ZNRF3: variants seen among roughly 807,000 people sequenced by gnomAD.
ZNRF3 encodes the protein E3 ubiquitin-protein ligase ZNRF3.
Under a neutral mutation model 72.5 loss-of-function variants are expected in ZNRF3, and 23 were observed. That is an observed-to-expected ratio of 0.32 (90% confidence interval 0.23 to 0.45). ZNRF3 has a LOEUF of 0.45. Among genes scored for constraint, ZNRF3 ranks in the 20% least tolerant of loss-of-function variants. ZNRF3 has a pLI of 1.00. For missense variants in ZNRF3, 1,169 were observed against 1,272.1 expected, an observed-to-expected ratio of 0.92 and a Z score of 1.23; for synonymous variants, 610 against 545.3, an observed-to-expected ratio of 1.12 and a Z score of -1.65.
At chr22:28,995,466 T>G (rs2036031054) in intron 2 of ZNRF3, among the ~76,000 whole-genome samples, 1 of 152,120 alleles carries the variant, frequency 6.6e-6, no homozygotes, top group Non-Finnish European at 1.5e-5. Flanking sequence ...TTGAATTTCT[T>G]CACTAAATAT....
Position 29,050,849 on chromosome 22 carries a change from C to G in ZNRF3, c.2668C>G (p.Pro890Ala). ...CTGCCAGGCTAGGGCCCTACTGCGG[C>G]CTGGCTGCCCTCCGGAGGAGGCGGG... ...LCCQARALLR[P>A]GCPPEEAGAV... The change falls in exon 8 of 9, where the codon CCT becomes GCT. Residue 890 changes from proline to alanine, a missense_variant. By Grantham distance (27) the Pro-to-Ala change is conservative. Around this residue, in one of 2 missense-constraint regions of ZNRF3, gnomAD observed 783 missense variants for 731.4 expected, o/e 1.07. Coordinates refer to ENST00000544604, the MANE Select transcript of ZNRF3 (RefSeq NM_001206998.2). 1.2e-6 allele frequency: 2 copies of G among 1,604,150 alleles called. No homozygotes were observed. Among genetic ancestry groups the G allele is most frequent in the Non-Finnish European group, 1.7e-6 (2 of 1,178,266 alleles).
intron 1 of ZNRF3, chr22:28,917,466 C>T (rs1252446327): frequency 2.0e-6 from 2 of 984,650 alleles, no homozygotes; most frequent in African/African-American, 1.7e-5. Context: ...AGGAAGGATC[C>T]CCTCATTTCA....
chr22:29,034,401 A>G (rs2123874638), intron 2 of ZNRF3, among the ~76,000 whole-genome samples: 1 of 152,246 alleles, frequency 6.6e-6, no homozygotes, highest in South Asian at 2.1e-4. Flanking sequence ...TGTGAGTTAA[A>G]GTGATGGGGA....
At chr22:28,945,958 G>A (rs1255035341) in intron 1 of ZNRF3, among the ~76,000 whole-genome samples, 1 of 152,126 alleles carries the variant, frequency 6.6e-6, no homozygotes, top group African/African-American at 2.4e-5. Flanking sequence ...TTCTTCAGTG[G>A]TCAGGTATCA....
intron 2 of ZNRF3, among the ~76,000 whole-genome samples, chr22:29,020,616 G>C (rs1023862916): frequency 6.6e-6 from 1 of 151,818 alleles, no homozygotes; most frequent in Non-Finnish European, 1.5e-5. Context: ...TTGAATGCAC[G>C]GATGTGAAAC....
rs1206320503 is a variant in ZNRF3 at position 29,044,968 on chromosome 22, T to G, written c.744+78T>G. ...GGGGAAAACCAGGACTCTCGTCACC[T>G]TATTTTTTGATGGTGCAACATGGAG... On this transcript the variant is annotated intron_variant, in intron 5 of 8. Transcript: ENST00000544604. 4.0e-5 allele frequency: 41 copies of G among 1,024,706 alleles called. No individual in the cohort carries two copies. In the South Asian group the frequency reaches 5.0e-4, roughly 13 times the overall value. 63.5% of individuals were successfully genotyped at this position (1,024,706 alleles called of 1,614,324 possible).
chr22:29,051,169 G>T (rs986343561), intron 8 of ZNRF3, among the ~76,000 whole-genome samples: 12 of 152,088 alleles, frequency 7.9e-5, no homozygotes, highest in African/African-American at 1.2e-4. Flanking sequence ...TCCCCAAGAT[G>T]CCTGCAGCCT....
intron 2 of ZNRF3, among the ~76,000 whole-genome samples, chr22:29,037,847 G>A (rs1420077060): frequency 1.3e-5 from 2 of 152,188 alleles, no homozygotes; most frequent in African/African-American, 4.8e-5. Context: ...ATACCCTTGT[G>A]GGTGGGGATG....
At chr22:28,889,175 G>A (rs1276458439) in intron 1 of ZNRF3, among the ~76,000 whole-genome samples, 3 of 152,164 alleles carry the variant, frequency 2.0e-5, no homozygotes, top group African/African-American at 7.2e-5. Context: ...CAAGTGAACA[G>A]AACTTGGCTG....
chr22:28,909,462 C>A lies in ZNRF3; in HGVS notation c.300+25396C>A, dbSNP rs186706484. On this transcript the variant is annotated intron_variant, in intron 1 of 8. Coordinates refer to ENST00000544604, the MANE Select transcript of ZNRF3 (RefSeq NM_001206998.2). Reference sequence around the variant, plus strand: ...ATTTTTTTTTTTCTCAGAAAATAATCAAACCAAAACTTTCCCTTGCTGATA... The same window carrying A: ...ATTTTTTTTTTTCTCAGAAAATAATAAAACCAAAACTTTCCCTTGCTGATA... Among the ~76,000 whole-genome samples, 35 of 151,940 alleles carry A rather than the reference C, an allele frequency of 2.3e-4. 1 individual carries two copies. The East Asian group carries it at 5.8e-3, about 25-fold the overall frequency.
chr22:29,051,907 C>T (rs1007997181), intron 8 of ZNRF3, among the ~76,000 whole-genome samples: 1 of 151,806 alleles, frequency 6.6e-6, no homozygotes, highest in South Asian at 2.1e-4. Flanking sequence ...AAACCTAGGC[C>T]CCATCCCTGT....
intron 4 of ZNRF3, 24 bp downstream of exon 4, chr22:29,043,454 C>T (rs1368690990): frequency 1.9e-6 from 3 of 1,611,658 alleles, no homozygotes; most frequent in East Asian, 2.2e-5. Flanking sequence ...CCATTTGGCA[C>T]AGGCTCGGGG....
chr22:28,989,447 C>T (rs1385206183), intron 2 of ZNRF3, among the ~76,000 whole-genome samples: 1 of 152,034 alleles, frequency 6.6e-6, no homozygotes, highest in Non-Finnish European at 1.5e-5. Flanking sequence ...TTGACAACTG[C>T]GTTTTCTTGT....
intron 1 of ZNRF3, among the ~76,000 whole-genome samples, chr22:28,890,104 A>T (rs890326413): frequency 2.0e-5 from 3 of 152,246 alleles, no homozygotes; most frequent in Non-Finnish European, 4.4e-5. Flanking sequence ...TTCTGGGATT[A>T]TCCTTCCTTT....
intron 1 of ZNRF3, among the ~76,000 whole-genome samples, chr22:28,962,404 G>C (rs1327781366): frequency 6.6e-6 from 1 of 152,172 alleles, no homozygotes; most frequent in Non-Finnish European, 1.5e-5. Context: ...AGTTGTCTGT[G>C]ATACTTATGC....
chr22:29,043,962 T>C (rs991316822), intron 4 of ZNRF3, among the ~76,000 whole-genome samples: 22 of 152,368 alleles, frequency 1.4e-4, no homozygotes, highest in Middle Eastern at 3.4e-3. Flanking sequence ...CTCTTAAGTA[T>C]GTAGAAGAGA....
At chr22:28,911,828 G>A (rs995772557) in intron 1 of ZNRF3, among the ~76,000 whole-genome samples, 6 of 152,132 alleles carry the variant, frequency 3.9e-5, no homozygotes, top group South Asian at 4.1e-4. Context: ...GATAGTGAGT[G>A]TGCTCTCTTG....
chr22:29,010,063 C>T (rs1006664941), intron 2 of ZNRF3, among the ~76,000 whole-genome samples: 1 of 151,508 alleles, frequency 6.6e-6, no homozygotes, highest in African/African-American at 2.4e-5. Context: ...TCTGCCACCA[C>T]GCCTGGCTAA....
At chr22:29,003,282 C>G (rs1039700247) in intron 2 of ZNRF3, among the ~76,000 whole-genome samples, 3 of 152,040 alleles carry the variant, frequency 2.0e-5, no homozygotes, top group African/African-American at 7.2e-5. Flanking sequence ...TTTGGGAGGC[C>G]AAGGTGGGCG....
Sources: gnomAD v4.1 joint callset for allele counts (sites outside exome capture counted in the v4.1 genomes callset) on GRCh38, gnomAD v4.1.1 for gene constraint, gnomAD v4.1.1 regional missense constraint, MANE v1.5 for transcripts, NCBI Gene and HGNC (gene_info 2026-07-23, HGNC 2026-07-21) for gene names.